XKR3: variants seen among roughly 807,000 people sequenced by gnomAD.
XKR3 encodes XK-related protein 3.
Under a neutral mutation model 40.3 loss-of-function variants are expected in XKR3, and 27 were observed. The observed-to-expected ratio is 0.67, with a 90% CI of 0.49 to 0.92. The LOEUF is 0.92. Among genes scored for constraint, XKR3 ranks in the 40% least tolerant of loss-of-function variants. XKR3 has a pLI of 0.00. For synonymous variants in XKR3, 193 were observed against 195.4 expected, an observed-to-expected ratio of 0.99 and a Z score of 0.10; for missense variants, 472 against 537.6, an observed-to-expected ratio of 0.88 and a Z score of 1.21.
intron 2 of XKR3, 133 bp from the exon 3 acceptor site, chr22:16,800,157 C>A: frequency 9.9e-7 from 1 of 1,009,294 alleles, no homozygotes. Context: ...AACTTAATCA[C>A]ACTGGATAAA....
chr22:16,796,365 G>C (rs2060140788), intron 3 of XKR3, among the ~76,000 whole-genome samples: 1 of 152,268 alleles, frequency 6.6e-6, no homozygotes, highest in South Asian at 2.1e-4. Context: ...CAGATTCTAT[G>C]AGCCCAGCAT....
At chr22:16,815,169 G>T (rs547940213) in intron 1 of XKR3, among the ~76,000 whole-genome samples, 22 of 152,100 alleles carry the variant, frequency 1.4e-4, no homozygotes, top group African/African-American at 5.3e-4. Context: ...TCGTAGAAAG[G>T]TGTTGGATTT....
intron 1 of XKR3, among the ~76,000 whole-genome samples, chr22:16,817,843 A>T (rs1463218170): frequency 6.6e-6 from 1 of 152,178 alleles, no homozygotes; most frequent in East Asian, 1.9e-4. Context: ...AGAACTAGAA[A>T]CAAGTGCTTG....
At chr22:16,824,246 G>A (rs771348355) in intron 1 of XKR3, among the ~76,000 whole-genome samples, 10 of 152,056 alleles carry the variant, frequency 6.6e-5, no homozygotes, top group Admixed American at 1.3e-4. Flanking sequence ...TACGAGGAAC[G>A]GGCATGTAAG....
Position 16,807,723 on chromosome 22 carries a change from T to C in XKR3, c.335+16A>G, listed in dbSNP as rs1209245005. On this transcript the variant is annotated intron_variant, in intron 2 of 3. Coordinates refer to ENST00000684488, the MANE Select transcript of XKR3 (RefSeq NM_001386955.1). ...CTTGTTGGAGGCAGTGAATGAGAAA[T>C]ATTTGTGTCACTTACCTCACAATAG... 15 of 1,547,836 alleles carry C rather than the reference T, an allele frequency of 9.7e-6. No individual in the cohort carries two copies. Among genetic ancestry groups the C allele is most frequent in the African/African-American group, 1.4e-5 (1 of 72,698 alleles).
chr22:16,783,748 T>C lies in XKR3; in HGVS notation c.1251A>G (p.Pro417=). The change falls in exon 4 of 4, where the codon CCA becomes CCG. Residue 417 remains proline (P), a synonymous_variant. Coordinates refer to ENST00000684488, the MANE Select transcript of XKR3 (RefSeq NM_001386955.1). Reference sequence around the variant, plus strand: ...TGTTTACATAATAGTACGGTGCTTCTGGCTGATTTTCAGTACGTCCTGGCA... The same window carrying C: ...TGTTTACATAATAGTACGGTGCTTCCGGCTGATTTTCAGTACGTCCTGGCA... ...KVLPGRTENQ[P]EAPYYYVNIE... is the part of the protein sequence containing the mutation. 1 of 1,614,224 alleles carries C rather than the reference T, an allele frequency of 6.2e-7. No homozygotes were observed. Among genetic ancestry groups the C allele is most frequent in the Non-Finnish European group, 8.5e-7 (1 of 1,180,042 alleles).
chr22:16,796,829 T>C (rs1235773501), intron 3 of XKR3, among the ~76,000 whole-genome samples: 5 of 152,208 alleles, frequency 3.3e-5, no homozygotes, highest in Non-Finnish European at 7.3e-5. Context: ...AAATTTCATG[T>C]GGAACAGCAA....
intron 3 of XKR3, among the ~76,000 whole-genome samples, chr22:16,787,050 G>A (rs2060093604): frequency 6.6e-6 from 1 of 151,912 alleles, no homozygotes; most frequent in Admixed American, 6.6e-5. Context: ...CAAGGAGATT[G>A]AAATAATGGG....
intron 3 of XKR3, among the ~76,000 whole-genome samples, chr22:16,796,643 T>C (rs2060142215): frequency 1.3e-5 from 2 of 152,152 alleles, no homozygotes; most frequent in Admixed American, 6.5e-5. Context: ...CAAACATCTC[T>C]TCATGATAAA....
At chr22:16,794,293 C>T (rs1333002151) in intron 3 of XKR3, among the ~76,000 whole-genome samples, 1 of 151,912 alleles carries the variant, frequency 6.6e-6, no homozygotes, top group Non-Finnish European at 1.5e-5. Context: ...AACAAACAAA[C>T]AAAAGAAAGG....
chr22:16,787,010 A>T (rs1333182792), intron 3 of XKR3, among the ~76,000 whole-genome samples: 2 of 152,172 alleles, frequency 1.3e-5, no homozygotes, highest in Non-Finnish European at 1.5e-5. Flanking sequence ...GAAAACACAA[A>T]CAATTCAGAA....
intron 3 of XKR3, among the ~76,000 whole-genome samples, chr22:16,794,469 A>G (rs2060132605): frequency 6.6e-6 from 1 of 152,172 alleles, no homozygotes; most frequent in Non-Finnish European, 1.5e-5. Flanking sequence ...CCAAACTAAG[A>G]TTCATAAGGA....
intron 2 of XKR3, among the ~76,000 whole-genome samples, 181 bp downstream of exon 2, chr22:16,807,558 C>A (rs1410072305): frequency 1.3e-5 from 2 of 152,250 alleles, no homozygotes; most frequent in East Asian, 3.9e-4. Flanking sequence ...CTATCATTAC[C>A]TTATAACTGA....
rs1342475833 is a variant in XKR3, at chr22:16,783,720, C to T, written c.1279G>A (p.Glu427Lys). ...PEAPYYYVNI[E>K]KTEKNKNKQL... is the part of the protein sequence containing the mutation. ...TTATTTTTATTCTTTTCAGTTTTCTCGATGTTTACATAATAGTACGGTGCT... is the reference window on the plus strand; with the variant it reads ...TTATTTTTATTCTTTTCAGTTTTCTTGATGTTTACATAATAGTACGGTGCT... The change falls in exon 4 of 4, where the codon GAG becomes AAG. Residue 427 changes from glutamate (E) to lysine (K), a missense_variant. Coordinates refer to ENST00000684488, the MANE Select transcript of XKR3 (RefSeq NM_001386955.1). 1.2e-6 allele frequency: 2 copies of T among 1,613,830 alleles called. No individual in the cohort carries two copies. Among genetic ancestry groups the T allele is most frequent in the Non-Finnish European group, 1.7e-6 (2 of 1,180,018 alleles).
At position 16,823,811 on chromosome 22, in the gene XKR3, T is replaced by C. The variant is rs866021995; in HGVS notation, c.-11+1480A>G. Among the ~76,000 whole-genome samples, 1,292 of 152,238 alleles carry C rather than the reference T, an allele frequency of 8.5e-3. 27 individuals are homozygous for C. The highest frequency in any genetic ancestry group is 0.03 in the African/African-American group (1,240 of 41,550). On this transcript the variant is annotated intron_variant, in intron 1 of 3. Coordinates refer to ENST00000684488, the MANE Select transcript of XKR3 (RefSeq NM_001386955.1). ...GGGTACTCAAGTACTAAAAGGTTTT[T>C]TTTTTTTAATGTAAACAAACTCACA...
intron 3 of XKR3, among the ~76,000 whole-genome samples, chr22:16,797,281 C>T (rs1056768368): frequency 1.3e-5 from 2 of 152,120 alleles, no homozygotes; most frequent in Non-Finnish European, 2.9e-5. Context: ...TTAGCTAAGT[C>T]CCCAAATGCA....
rs776625745 is a variant in XKR3, at chr22:16,807,738, C to A, written c.335+1G>T. On this transcript the variant is annotated splice_donor_variant, in intron 2 of 3. Transcript: ENST00000684488. LOFTEE classifies it high-confidence loss of function. ...GAATGAGAAATATTTGTGTCACTTA[C>A]CTCACAATAGGTCCTAAAAGAAGAA... 9 of 1,580,090 alleles carry A rather than the reference C, an allele frequency of 5.7e-6. No homozygotes were observed. The South Asian group carries it at 9.3e-5, about 16-fold the overall frequency.
At chr22:16,820,734 A>C in intron 1 of XKR3, among the ~76,000 whole-genome samples, 1 of 152,210 alleles carries the variant, frequency 6.6e-6, no homozygotes, top group East Asian at 1.9e-4. Context: ...ATAATATCTA[A>C]GAAATGACAG....
chr22:16,813,314 C>CA (rs970535996), intron 1 of XKR3, among the ~76,000 whole-genome samples: 22 of 150,114 alleles, frequency 1.5e-4, no homozygotes, highest in East Asian at 5.9e-4. Context: ...AACAAACAAA[C>CA]AAAAAAAAAC....
Sources: allele counts gnomAD v4.1 joint callset (sites outside exome capture counted in the v4.1 genomes callset), GRCh38; gene constraint gnomAD v4.1.1; transcripts MANE v1.5; gene names NCBI Gene and HGNC (gene_info 2026-07-23, HGNC 2026-07-21).